The following CACNA2D3 variants were observed in gnomAD, a reference collection of about 807,000 sequenced individuals.
CACNA2D3 encodes the protein voltage-dependent calcium channel subunit alpha-2/delta-3.
In CACNA2D3, 60 loss-of-function variants were observed where a neutral mutation model predicts 160.6. The ratio of observed to expected loss-of-function variants is 0.37; its 90% confidence interval spans 0.30 to 0.46. CACNA2D3 has a LOEUF of 0.46. Ranked by LOEUF, CACNA2D3 falls within the 20% of genes least tolerant of loss-of-function variation. The pLI, the probability that CACNA2D3 is intolerant of heterozygous loss-of-function variation, is 1.00. For synonymous variants in CACNA2D3, 558 were observed against 492.9 expected (o/e 1.13, Z -1.75); for missense variants, 1,205 against 1,365.0 (o/e 0.88, Z 1.85).
At chr3:54,677,024 G>A (rs1700255518) in intron 11 of CACNA2D3, among the ~76,000 whole-genome samples, 1 of 152,142 alleles carries the variant, frequency 6.6e-6, no homozygotes, top group Admixed American at 6.5e-5. Context: ...ATGATGTGTG[G>A]CATTTGAGAT....
At position 55,006,339 on chromosome 3, in the gene CACNA2D3, GGC is replaced by G. The variant is rs1652714900; in HGVS notation, c.2767-1450_2767-1449del. Among the ~76,000 whole-genome samples, 4 of 152,060 alleles carry G rather than the reference GGC, an allele frequency of 2.6e-5. No homozygotes were observed. The South Asian group carries it at 8.3e-4, about 32-fold the overall frequency. On this transcript the variant is annotated intron_variant, in intron 32 of 37. Transcript: ENST00000474759. ...CTCAGAGCGAGCTGCCCCTGCTTCTGGCCCTCTTTCCCCCGCAACCTCCAAAG... is the reference window on the plus strand; with the variant it reads ...CTCAGAGCGAGCTGCCCCTGCTTCTGCCTCTTTCCCCCGCAACCTCCAAAG...
At chr3:54,246,978 A>G (rs922508549) in intron 2 of CACNA2D3, among the ~76,000 whole-genome samples, 1 of 152,194 alleles carries the variant, frequency 6.6e-6, no homozygotes, top group Non-Finnish European at 1.5e-5. Flanking sequence ...ACATCTCTAC[A>G]TCAGCACAAC....
In CACNA2D3 at chr3:55,049,912, A is replaced by C. The variant is rs574362702; in HGVS notation, c.2988-23533A>C. Among the ~76,000 whole-genome samples the C allele has an allele frequency of 4.5e-4, 68 of 150,864 alleles. 3 individuals are homozygous for C. The South Asian group carries it at 0.014, about 32-fold the overall frequency. ...TGGTTTAAAGTCTGTTTTATCAGAG[A>C]CTAGGATTGCAACCCCTGCCTTTTT... On this transcript the variant is annotated intron_variant, in intron 35 of 37. Coordinates refer to ENST00000474759, the MANE Select transcript of CACNA2D3 (RefSeq NM_018398.3).
chr3:55,030,235 C>T (rs1393016908), intron 35 of CACNA2D3, among the ~76,000 whole-genome samples: 2 of 152,196 alleles, frequency 1.3e-5, no homozygotes, highest in South Asian at 2.1e-4. Flanking sequence ...TGTATTGCCT[C>T]CTCTTCTGCA....
intron 2 of CACNA2D3, among the ~76,000 whole-genome samples, chr3:54,149,159 A>G (rs1363931765): frequency 2.0e-5 from 3 of 151,836 alleles, no homozygotes; most frequent in Non-Finnish European, 2.9e-5. Flanking sequence ...TGTCCCTGAC[A>G]TTTGTGGACT....
chr3:55,049,595 G>A (rs1248248844), intron 35 of CACNA2D3, among the ~76,000 whole-genome samples: 1 of 148,382 alleles, frequency 6.7e-6, no homozygotes, highest in South Asian at 2.2e-4. Flanking sequence ...TTGGGGTGGA[G>A]AGTTCTGTAG....
At chr3:54,549,842 A>G (rs1300189925) in intron 5 of CACNA2D3, among the ~76,000 whole-genome samples, 1 of 152,238 alleles carries the variant, frequency 6.6e-6, no homozygotes, top group Middle Eastern at 3.2e-3. Flanking sequence ...ATCAGCCCAG[A>G]TGGCAGGCTC....
chr3:54,334,298 G>T (rs985459265), intron 3 of CACNA2D3, among the ~76,000 whole-genome samples: 1 of 152,126 alleles, frequency 6.6e-6, no homozygotes, highest in African/African-American at 2.4e-5. Flanking sequence ...TGTTGGCCAG[G>T]CTGGTCTTGA....
intron 4 of CACNA2D3, among the ~76,000 whole-genome samples, chr3:54,479,889 T>G (rs1575480342): frequency 6.6e-6 from 1 of 152,322 alleles, no homozygotes. Flanking sequence ...CATACCATCT[T>G]TTGAATCTGG....
chr3:54,762,214 A>C (rs1342571069), intron 12 of CACNA2D3, among the ~76,000 whole-genome samples: 1 of 152,152 alleles, frequency 6.6e-6, no homozygotes, highest in South Asian at 2.1e-4. Context: ...ATCTTATGTC[A>C]TCTTAACTCT....
intron 14 of CACNA2D3, among the ~76,000 whole-genome samples, chr3:54,834,118 A>C (rs1703934967): frequency 6.6e-6 from 1 of 152,198 alleles, no homozygotes; most frequent in African/African-American, 2.4e-5. Context: ...ATTCTGGCTT[A>C]ATATTTTGAA....
At chr3:55,045,818 T>C (rs1216081882) in intron 35 of CACNA2D3, among the ~76,000 whole-genome samples, 2 of 152,152 alleles carry the variant, frequency 1.3e-5, no homozygotes, top group Non-Finnish European at 2.9e-5. Flanking sequence ...TCTAAAAGTT[T>C]ATTAGTTTTA....
chr3:54,387,788 T>C (rs184206035), intron 4 of CACNA2D3, among the ~76,000 whole-genome samples: 1 of 152,304 alleles, frequency 6.6e-6, no homozygotes, highest in African/African-American at 2.4e-5. Flanking sequence ...AAGGAGCAAA[T>C]CTTAAAGTTT....
intron 35 of CACNA2D3, among the ~76,000 whole-genome samples, chr3:55,054,300 T>C (rs1704309534): frequency 6.6e-6 from 1 of 151,872 alleles, no homozygotes; most frequent in African/African-American, 2.4e-5. Flanking sequence ...ACTATTTTAC[T>C]GCTTACTGAG....
At chr3:54,377,428 G>A (rs7643423) in intron 3 of CACNA2D3, among the ~76,000 whole-genome samples, 1,546 of 152,276 alleles carry the variant, frequency 0.01, 29 homozygotes, top group African/African-American at 0.035. Flanking sequence ...AGAGCCAACC[G>A]TGGGAGGCAG....
At chr3:54,429,988 T>C (rs1464968006) in intron 4 of CACNA2D3, among the ~76,000 whole-genome samples, 2 of 152,194 alleles carry the variant, frequency 1.3e-5, no homozygotes, top group African/African-American at 2.4e-5. Flanking sequence ...CAATAGGGAA[T>C]GAATGCCCTA....
intron 13 of CACNA2D3, among the ~76,000 whole-genome samples, chr3:54,777,769 A>C (rs756413457): frequency 2.0e-5 from 3 of 152,300 alleles, no homozygotes; most frequent in Non-Finnish European, 4.4e-5. Context: ...ATGGGGTTCA[A>C]TGGACCCCCA....
chr3:54,769,466 T>C (rs1187971073), intron 13 of CACNA2D3, among the ~76,000 whole-genome samples: 1 of 152,180 alleles, frequency 6.6e-6, no homozygotes, highest in East Asian at 1.9e-4. Context: ...GCACTGAATT[T>C]AGGTTAGAAC....
chr3:54,372,765 A>T (rs950688955), intron 3 of CACNA2D3, among the ~76,000 whole-genome samples: 1 of 152,204 alleles, frequency 6.6e-6, no homozygotes, highest in African/African-American at 2.4e-5. Flanking sequence ...CCCTGTGTGT[A>T]ATTTCAGTTC....
Sources: allele counts gnomAD v4.1 joint callset (sites outside exome capture counted in the v4.1 genomes callset), GRCh38; gene constraint gnomAD v4.1.1; transcripts MANE v1.5; gene names NCBI Gene and HGNC (gene_info 2026-07-23, HGNC 2026-07-21).